The following WDR64 variants were observed in gnomAD, a reference collection of about 807,000 sequenced individuals.
The protein encoded by WDR64 is WD repeat-containing protein 64.
Under a neutral mutation model 139.3 loss-of-function variants are expected in WDR64, and 112 were observed. That is an observed-to-expected ratio of 0.80 (90% CI 0.69 to 0.94). The LOEUF (loss-of-function observed/expected upper bound fraction) is 0.94. WDR64 is among the 40% of genes least tolerant of loss of function. The pLI is 0.00. For synonymous variants in WDR64, 444 were observed against 437.7 expected (o/e 1.01, Z -0.18); for missense variants, 1,206 against 1,293.1 (o/e 0.93, Z 1.03).
chr1:241,802,547 A>T lies in WDR64; in HGVS notation c.*1332A>T, dbSNP rs571040904. Among the ~76,000 whole-genome samples, 19 of 152,302 alleles carry T rather than the reference A, an allele frequency of 1.2e-4. No individual in the cohort carries two copies. Among genetic ancestry groups the T allele is most frequent in the Admixed American group, 5.2e-4 (8 of 15,296 alleles). The stretch of plus-strand genomic sequence containing the variant: ...TATTTCTGCATTTCGTTGTATGTGA[A>T]TTTTTTCAAAAAATTAAGAATTGTA... On this transcript the variant is annotated 3_prime_UTR_variant, in exon 28 of 28. Coordinates refer to ENST00000437684, the MANE Select transcript of WDR64 (RefSeq NM_001367482.1).
At chr1:241,722,744 T>C (rs72768094) in intron 9 of WDR64, among the ~76,000 whole-genome samples, 17,156 of 152,196 alleles carry the variant, frequency 0.11, 1,062 homozygotes, top group Admixed American at 0.18. Flanking sequence ...ATTATGCCCT[T>C]CTATGATTTT....
intron 10 of WDR64, among the ~76,000 whole-genome samples, chr1:241,735,978 G>T (rs1382508274): frequency 6.6e-6 from 1 of 151,912 alleles, no homozygotes; most frequent in Non-Finnish European, 1.5e-5. Context: ...CTGAGCCAGA[G>T]GTTACCTTGC....
intron 3 of WDR64, among the ~76,000 whole-genome samples, chr1:241,673,824 C>CT (rs544078871): frequency 2.3e-4 from 35 of 150,902 alleles, no homozygotes; most frequent in South Asian, 4.2e-4. Context: ...TCTAGCTAGT[C>CT]TTTTTTTTTC....
At position 241,735,022 on chromosome 1, in the gene WDR64, A is replaced by G. The variant is rs762065511; in HGVS notation, c.1195-3341A>G. On this transcript the variant is annotated intron_variant, in intron 10 of 27. Coordinates refer to ENST00000437684, the MANE Select transcript of WDR64 (RefSeq NM_001367482.1). ...CATCTAATTGGAAGGGAGTGCAACG[A>G]AAGTTGTTTAAAGATTAATTTTTTT... Among the ~76,000 whole-genome samples the G allele has an allele frequency of 3.3e-5, 5 of 152,210 alleles. No individual in the cohort carries two copies. The East Asian group carries it at 7.7e-4, about 23-fold the overall frequency.
At chr1:241,724,697 A>T (rs1347017267) in intron 10 of WDR64, among the ~76,000 whole-genome samples, 1 of 152,236 alleles carries the variant, frequency 6.6e-6, no homozygotes, top group East Asian at 1.9e-4. Context: ...TAGTCTTATA[A>T]CTTTTGGGTA....
In WDR64 at chr1:241,775,113, AC is replaced by A; in HGVS notation, c.2440del (p.Leu814Ter). On this transcript the variant is annotated frameshift_variant, in exon 21 of 28. Coordinates refer to ENST00000437684, the MANE Select transcript of WDR64 (RefSeq NM_001367482.1). LOFTEE classifies it high-confidence loss of function. ...CATTATACTTTATTTAGGGAAGACT[AC>A]TGAAAGATATGCTACCTTTCACAAA... ...LRLWTLEGRL[L>X]KDMLPFTKHS... 6.5e-7 allele frequency: 1 copy of A among 1,550,346 alleles called. No homozygotes were observed.
intron 8 of WDR64, among the ~76,000 whole-genome samples, chr1:241,706,672 AG>A (rs1199740253): frequency 1.3e-5 from 2 of 152,230 alleles, no homozygotes; most frequent in Non-Finnish European, 2.9e-5. Context: ...ATATTTTAGA[AG>A]TATTCTTTCA....
At chr1:241,793,710 C>T (rs1355631902) in intron 25 of WDR64, among the ~76,000 whole-genome samples, 1 of 152,138 alleles carries the variant, frequency 6.6e-6, no homozygotes, top group African/African-American at 2.4e-5. Flanking sequence ...TAGATAAGTT[C>T]GTTCTTTCTT....
chr1:241,782,109 AC>A (rs1399792516), intron 22 of WDR64, among the ~76,000 whole-genome samples: 1 of 151,980 alleles, frequency 6.6e-6, no homozygotes, highest in Non-Finnish European at 1.5e-5. Context: ...ACATGGTGAA[AC>A]CCCGTCTCTA....
At chr1:241,744,888 C>T (rs997173175) in intron 13 of WDR64, among the ~76,000 whole-genome samples, 6 of 152,156 alleles carry the variant, frequency 3.9e-5, no homozygotes, top group Admixed American at 1.3e-4. Context: ...ATAATTTTAC[C>T]GACAGTAGAT....
At chr1:241,665,103 A>G in intron 2 of WDR64, among the ~76,000 whole-genome samples, 1 of 152,160 alleles carries the variant, frequency 6.6e-6, no homozygotes, top group East Asian at 1.9e-4. Flanking sequence ...ATATGACATT[A>G]TTCTGTTACA....
intron 9 of WDR64, among the ~76,000 whole-genome samples, chr1:241,715,328 A>G (rs976381458): frequency 6.6e-6 from 1 of 152,180 alleles, no homozygotes; most frequent in Admixed American, 6.5e-5. Flanking sequence ...CTTTCAGAAA[A>G]AGACGTGGGT....
At chr1:241,770,111 T>A (rs950709937) in intron 17 of WDR64, among the ~76,000 whole-genome samples, 5 of 152,192 alleles carry the variant, frequency 3.3e-5, no homozygotes, top group African/African-American at 1.2e-4. Context: ...TGTAACCCCT[T>A]CCCTACCCCT....
intron 8 of WDR64, 126 bp from the exon 9 acceptor site, chr1:241,711,676 G>A (rs973897962): frequency 9.4e-6 from 8 of 846,914 alleles, no homozygotes; most frequent in East Asian, 5.3e-5. Flanking sequence ...CTTGTAATAC[G>A]GCCTGGGGGC....
intron 9 of WDR64, among the ~76,000 whole-genome samples, chr1:241,720,295 T>C (rs1453563398): frequency 3.9e-5 from 6 of 152,198 alleles, no homozygotes; most frequent in Non-Finnish European, 5.9e-5. Flanking sequence ...ATAGAATGAT[T>C]TGTATTCCTT....
chr1:241,763,316 T>C (rs1322481146), intron 15 of WDR64, among the ~76,000 whole-genome samples: 1 of 152,240 alleles, frequency 6.6e-6, no homozygotes, highest in Non-Finnish European at 1.5e-5. Context: ...AATGTAAATG[T>C]AAATTATCTC....
chr1:241,762,189 C>T (rs1349846925), intron 15 of WDR64, among the ~76,000 whole-genome samples: 1 of 147,698 alleles, frequency 6.8e-6, no homozygotes, highest in East Asian at 1.9e-4. Context: ...TCCCCTTGAT[C>T]CACGGGCTGC....
At chr1:241,719,132 T>C (rs181123124) in intron 9 of WDR64, among the ~76,000 whole-genome samples, 33 of 152,236 alleles carry the variant, frequency 2.2e-4, no homozygotes, top group Admixed American at 2.0e-3. Flanking sequence ...AATGAACAAA[T>C]GACCTTCCAA....
At chr1:241,764,285 G>A (rs1412596494) in intron 15 of WDR64, among the ~76,000 whole-genome samples, 1 of 152,146 alleles carries the variant, frequency 6.6e-6, no homozygotes, top group Non-Finnish European at 1.5e-5. Flanking sequence ...GATGCTGCCT[G>A]GATGACAGAT....
Sources: gnomAD v4.1 joint callset for allele counts (sites outside exome capture counted in the v4.1 genomes callset) on GRCh38, gnomAD v4.1.1 for gene constraint, MANE v1.5 for transcripts, NCBI Gene and HGNC (gene_info 2026-07-23, HGNC 2026-07-21) for gene names.